MIS18A: variants seen among roughly 807,000 people sequenced by gnomAD.
MIS18A encodes the protein protein Mis18-alpha.
Under a neutral mutation model 25.0 loss-of-function variants are expected in MIS18A, and 14 were observed. That is an observed-to-expected ratio of 0.56 (90% CI 0.37 to 0.88). MIS18A has a LOEUF of 0.88. Ranked by LOEUF, MIS18A falls within the 40% of genes least tolerant of loss-of-function variation. MIS18A has a pLI of 0.00. For missense variants in MIS18A, 292 were observed against 290.8 expected, an observed-to-expected ratio of 1.00 and a Z score of -0.03; for synonymous variants, 134 against 118.6, an observed-to-expected ratio of 1.13 and a Z score of -0.84.
chr21:32,269,625 T>G, intron 4 of MIS18A, 82 bp downstream of exon 4: 100 of 788,846 alleles, frequency 1.3e-4, no homozygotes, highest in Non-Finnish European at 1.9e-4. Flanking sequence ...GATGACGTTA[T>G]GAGAATTATC....
the MIS18A span, among the ~76,000 whole-genome samples, chr21:32,160,850 C>T: frequency 6.6e-6 from 1 of 152,112 alleles, no homozygotes; most frequent in East Asian, 1.9e-4. Context: ...AGACTGGTCT[C>T]GAACTTCCAA....
chr21:32,165,488 C>A, the MIS18A span, among the ~76,000 whole-genome samples: 2 of 150,886 alleles, frequency 1.3e-5, no homozygotes, highest in East Asian at 3.9e-4. Flanking sequence ...AGCAGAGGGC[C>A]CAAAGGATGG....
At chr21:32,256,985 A>C in the MIS18A span, among the ~76,000 whole-genome samples, 3 of 152,206 alleles carry the variant, frequency 2.0e-5, no homozygotes, top group South Asian at 2.1e-4. Context: ...CTTAACAGCC[A>C]CATCAGGACT....
Position 32,278,843 on chromosome 21 carries a change from C to T in MIS18A, c.172G>A (p.Asp58Asn), listed in dbSNP as rs978367315. 4 of 1,610,190 alleles carry T rather than the reference C, an allele frequency of 2.5e-6. No homozygotes were observed. Among genetic ancestry groups the T allele is most frequent in the Non-Finnish European group, 2.5e-6 (3 of 1,178,998 alleles). Residue 58 changes from aspartate to asparagine, a missense_variant, in exon 1 of 5, where the codon GAC becomes AAC. Physicochemically the swap from Asp to Asn is conservative, Grantham distance 23. Transcript: ENST00000290130. ...WASMWSSMSE[D>N]ASVADMERAQ... ...CTCTCCATGTCGGCCACCGACGCGT[C>T]TTCGCTCATGGAGCTCCACATGCTC...
chr21:32,219,690 C>T, the MIS18A span, among the ~76,000 whole-genome samples: 1 of 152,164 alleles, frequency 6.6e-6, no homozygotes, highest in Non-Finnish European at 1.5e-5. Flanking sequence ...CAGAGGATCC[C>T]ACCCCCACAG....
At chr21:32,223,380 A>T in the MIS18A span, among the ~76,000 whole-genome samples, 1 of 152,214 alleles carries the variant, frequency 6.6e-6, no homozygotes, top group Non-Finnish European at 1.5e-5. Context: ...ATGGAACGCC[A>T]GCCAGAGCAA....
At chr21:32,187,921 G>C in the MIS18A span, among the ~76,000 whole-genome samples, 1 of 152,128 alleles carries the variant, frequency 6.6e-6, no homozygotes, top group Non-Finnish European at 1.5e-5. Flanking sequence ...AGGTGCTTAG[G>C]TTTAGATGAG....
the MIS18A span, among the ~76,000 whole-genome samples, chr21:32,168,065 A>G: frequency 2.6e-5 from 4 of 152,098 alleles, no homozygotes; most frequent in East Asian, 7.7e-4. Flanking sequence ...GCCCTCATAT[A>G]TATCTCTTAT....
the MIS18A span, among the ~76,000 whole-genome samples, chr21:32,188,225 C>G: frequency 6.6e-6 from 1 of 152,238 alleles, no homozygotes; most frequent in Non-Finnish European, 1.5e-5. Flanking sequence ...CTGACGAAGA[C>G]AGCCAGCCAC....
chr21:32,230,881 T>C, the MIS18A span, among the ~76,000 whole-genome samples: 1 of 152,268 alleles, frequency 6.6e-6, no homozygotes, highest in African/African-American at 2.4e-5. Flanking sequence ...TACACATATA[T>C]GATTGCATCA....
intron 2 of MIS18A, among the ~76,000 whole-genome samples, chr21:32,272,427 A>AATCG (rs1448714494): frequency 6.6e-6 from 1 of 152,362 alleles, no homozygotes; most frequent in East Asian, 1.9e-4. Flanking sequence ...AAGGCAGTCT[A>AATCG]ATCGATGGGT....
the MIS18A span, among the ~76,000 whole-genome samples, chr21:32,211,456 C>T: frequency 3.3e-5 from 5 of 152,202 alleles, no homozygotes; most frequent in Admixed American, 2.0e-4. Flanking sequence ...ACATGCATCC[C>T]CTGCCAGCTG....
At chr21:32,178,269 T>G in the MIS18A span, among the ~76,000 whole-genome samples, 1 of 152,092 alleles carries the variant, frequency 6.6e-6, no homozygotes, top group African/African-American at 2.4e-5. Flanking sequence ...GTTCTAAAAT[T>G]TACATGGAAA....
the MIS18A span, among the ~76,000 whole-genome samples, chr21:32,256,160 T>C: frequency 6.6e-6 from 1 of 152,316 alleles, no homozygotes; most frequent in African/African-American, 2.4e-5. Context: ...ACCTCGTGTA[T>C]TGCTGCTCAA....
chr21:32,266,548 C>T (rs1024385929), downstream of MIS18A, among the ~76,000 whole-genome samples: 1 of 151,974 alleles, frequency 6.6e-6, no homozygotes, highest in Non-Finnish European at 1.5e-5. Flanking sequence ...CTCCTGAGCC[C>T]AGTGAGACCA....
the MIS18A span, among the ~76,000 whole-genome samples, chr21:32,244,735 AAACC>A: frequency 6.6e-6 from 1 of 152,166 alleles, no homozygotes; most frequent in Non-Finnish European, 1.5e-5. Context: ...CCTGTCTCAG[AAACC>A]AACCAACCAA....
chr21:32,223,512 TA>T, the MIS18A span, among the ~76,000 whole-genome samples: 1 of 152,100 alleles, frequency 6.6e-6, no homozygotes, highest in South Asian at 2.1e-4. Flanking sequence ...TCTACACAAA[TA>T]AACCAGAAAA....
At chr21:32,195,957 T>C in the MIS18A span, among the ~76,000 whole-genome samples, 8 of 151,658 alleles carry the variant, frequency 5.3e-5, no homozygotes, top group Non-Finnish European at 1.2e-4. Flanking sequence ...TTGGAGGAGG[T>C]TGCAGTGAGC....
chr21:32,182,653 C>G, the MIS18A span, among the ~76,000 whole-genome samples: 1 of 152,252 alleles, frequency 6.6e-6, no homozygotes, highest in South Asian at 2.1e-4. Context: ...CCTAGGGTGC[C>G]AAGAGATTCA....
Sources: allele counts gnomAD v4.1 joint callset (sites outside exome capture counted in the v4.1 genomes callset), GRCh38; gene constraint gnomAD v4.1.1; transcripts MANE v1.5; gene names NCBI Gene and HGNC (gene_info 2026-07-23, HGNC 2026-07-21).